The following CCDC15 variants were observed in gnomAD, a reference collection of about 807,000 sequenced individuals.
CCDC15 encodes coiled-coil domain containing 15.
CCDC15 carries 105 observed loss-of-function variants against 114.5 expected under a neutral mutation model. The observed-to-expected ratio is 0.92, with a 90% CI of 0.78 to 1.08. The LOEUF is 1.08. CCDC15 is among the 50% of genes least tolerant of loss of function. The probability of loss-of-function intolerance (pLI) is 0.00; values close to 1 mark genes in which losing one functional copy is unlikely to be tolerated. For missense variants in CCDC15, 1,105 were observed against 1,093.6 expected (o/e 1.01, Z -0.15); for synonymous variants, 334 against 377.8 (o/e 0.88, Z 1.34).
intron 4 of CCDC15, among the ~76,000 whole-genome samples, chr11:124,972,890 A>G (rs1337979687): frequency 6.6e-6 from 1 of 152,172 alleles, no homozygotes; most frequent in African/African-American, 2.4e-5. Context: ...TAGGACCCGT[A>G]TGGATAATCC....
At chr11:124,992,755 A>G in intron 10 of CCDC15, 68 bp downstream of exon 10, 1 of 868,116 alleles carries the variant, frequency 1.2e-6, no homozygotes, top group Non-Finnish European at 1.8e-6. Flanking sequence ...TCATATTAAC[A>G]TTGAGGCTGA....
chr11:125,011,130 A>G (rs550685241), intron 13 of CCDC15, among the ~76,000 whole-genome samples: 99 of 152,086 alleles, frequency 6.5e-4, no homozygotes, highest in African/African-American at 2.3e-3. Context: ...TGAAAAAAAA[A>G]TAAACCTTTT....
intron 6 of CCDC15, among the ~76,000 whole-genome samples, chr11:124,984,967 A>C (rs1441543126): frequency 6.6e-6 from 1 of 151,896 alleles, no homozygotes; most frequent in East Asian, 1.9e-4. Flanking sequence ...GCTCTAGAGC[A>C]TTTTCTTCAC....
In CCDC15 at chr11:124,993,131, G is replaced by C. The variant is rs768832694; in HGVS notation, c.2140-38G>C. On this transcript the variant is annotated intron_variant, in intron 10 of 15. Coordinates refer to ENST00000344762, the MANE Select transcript of CCDC15 (RefSeq NM_025004.3). ...ATACTGTCACTAGCCCGTCATTTCT[G>C]CTTAGACAATCAGTTTTGTATTTTG... 3.0e-6 allele frequency: 4 copies of C among 1,316,784 alleles called. No homozygotes were observed. The South Asian group carries it at 4.9e-5, about 16-fold the overall frequency. 81.6% of individuals were successfully genotyped at this position (1,316,784 alleles called of 1,614,324 possible). A position where few individuals can be genotyped will look rare whatever the true frequency, so the allele number is the denominator to read the frequency against.
intron 13 of CCDC15, among the ~76,000 whole-genome samples, chr11:125,026,178 A>C (rs938500401): frequency 1.1e-4 from 17 of 152,124 alleles, no homozygotes; most frequent in Non-Finnish European, 1.9e-4. Context: ...CAGCCTTTCA[A>C]GTTTATTTAT....
At chr11:124,977,685 G>C in intron 6 of CCDC15, 85 bp downstream of exon 6, 1 of 1,331,666 alleles carries the variant, frequency 7.5e-7, no homozygotes, top group Non-Finnish European at 1.0e-6. Context: ...AAAGGGTTAA[G>C]ATATCCAGTA....
At chr11:124,971,481 T>A (rs1425954728) in intron 4 of CCDC15, among the ~76,000 whole-genome samples, 6 of 152,202 alleles carry the variant, frequency 3.9e-5, no homozygotes, top group Admixed American at 3.9e-4. Flanking sequence ...AACAAACTGC[T>A]CCAAGCTAAA....
intron 13 of CCDC15, among the ~76,000 whole-genome samples, chr11:125,016,773 A>G (rs1207733118): frequency 1.3e-5 from 2 of 152,194 alleles, no homozygotes; most frequent in African/African-American, 2.4e-5. Flanking sequence ...AAATCTTCTC[A>G]TGACATGCCT....
intron 13 of CCDC15, among the ~76,000 whole-genome samples, chr11:125,017,253 T>G (rs1948634641): frequency 6.6e-6 from 1 of 152,178 alleles, no homozygotes. Flanking sequence ...GAGATGATGC[T>G]AGACATAGGG....
intron 11 of CCDC15, among the ~76,000 whole-genome samples, chr11:124,995,673 A>G (rs1948353340): frequency 6.6e-6 from 1 of 152,204 alleles, no homozygotes; most frequent in African/African-American, 2.4e-5. Flanking sequence ...ATGCAGCAGC[A>G]TAATTAGTGA....
In CCDC15 at chr11:124,954,695, A is replaced by T. The variant is rs763783543; in HGVS notation, c.-9-29A>T. 3.6e-5 allele frequency: 58 copies of T among 1,606,402 alleles called. No homozygotes were observed. The South Asian group carries it at 6.3e-4, about 17-fold the overall frequency. ...GAACTTTTAATGCAGTCATTTGAAG[A>T]TTTTAAGCTTTTTCTTTCTCCTAAT... On this transcript the variant is annotated intron_variant, in intron 1 of 15. Transcript: ENST00000344762.
At chr11:124,967,784 T>C (rs1947809182) in intron 4 of CCDC15, among the ~76,000 whole-genome samples, 1 of 152,236 alleles carries the variant, frequency 6.6e-6, no homozygotes, top group South Asian at 2.1e-4. Flanking sequence ...TTACCTTTGG[T>C]CTTTGATGAT....
intron 8 of CCDC15, among the ~76,000 whole-genome samples, chr11:124,988,810 A>G (rs1231418409): frequency 6.6e-6 from 1 of 152,196 alleles, no homozygotes; most frequent in African/African-American, 2.4e-5. Flanking sequence ...CTCCTTATCC[A>G]TTTAAGTTTG....
Position 124,991,537 on chromosome 11 carries a change from A to G in CCDC15, c.1985A>G (p.Gln662Arg). ...GAAGACTTTTCTCTGGCAGACTATC[A>G]GTGTTTGCCTCCCAAATCCCAGGAC... ...GREDFSLADYQCLPPKSQDQD... is the reference protein window; with the variant it reads ...GREDFSLADYRCLPPKSQDQD... The change falls in exon 9 of 16, where the codon CAG becomes CGG. Residue 662 changes from glutamine (Q) to arginine (R), a missense_variant. By Grantham distance (43) the Gln-to-Arg change is conservative. Transcript: ENST00000344762. 1 of 1,610,564 alleles carries G rather than the reference A, an allele frequency of 6.2e-7. No individual in the cohort carries two copies. Among genetic ancestry groups the G allele is most frequent in the Non-Finnish European group, 8.5e-7 (1 of 1,177,674 alleles).
chr11:125,023,052 T>A (rs1303016199), intron 13 of CCDC15, among the ~76,000 whole-genome samples: 9 of 151,970 alleles, frequency 5.9e-5, no homozygotes, highest in Admixed American at 6.6e-5. Flanking sequence ...TGTTCTTTTA[T>A]GGAGTGTGCT....
At chr11:124,962,197 G>C (rs1017025021) in intron 4 of CCDC15, among the ~76,000 whole-genome samples, 2 of 152,108 alleles carry the variant, frequency 1.3e-5, no homozygotes, top group Admixed American at 1.3e-4. Context: ...CGTGAAACTA[G>C]ACAATGAGAC....
At chr11:125,038,397 G>T in intron 13 of CCDC15, 34 bp from the exon 14 acceptor site, 1 of 1,287,510 alleles carries the variant, frequency 7.8e-7, no homozygotes, top group Non-Finnish European at 1.0e-6. Flanking sequence ...ATAATTTTAT[G>T]AAATTCCTAA....
intron 2 of CCDC15, 89 bp downstream of exon 2, chr11:124,954,998 G>A: frequency 8.9e-7 from 1 of 1,125,834 alleles, no homozygotes; most frequent in South Asian, 1.4e-5. Flanking sequence ...AAGATGAACA[G>A]TCCGAGGATG....
intron 4 of CCDC15, among the ~76,000 whole-genome samples, chr11:124,962,305 G>A (rs181296821): frequency 1.1e-4 from 17 of 152,158 alleles, no homozygotes; most frequent in Admixed American, 2.6e-4. Flanking sequence ...CAGTTTTCTC[G>A]TGTTGGTGTT....
Sources: gnomAD v4.1 joint callset for allele counts (sites outside exome capture counted in the v4.1 genomes callset) on GRCh38, gnomAD v4.1.1 for gene constraint, MANE v1.5 for transcripts, NCBI Gene and HGNC (gene_info 2026-07-23, HGNC 2026-07-21) for gene names.